TEX29: variants seen among roughly 807,000 people sequenced by gnomAD.
TEX29 encodes the protein testis-expressed protein 29.
A neutral mutation model predicts 18.2 loss-of-function variants in TEX29; 26 were observed. The observed-to-expected ratio is 1.43, with a 90% CI of 1.04 to 1.98. TEX29 has a LOEUF of 1.98. Among genes scored for constraint, TEX29 ranks in the 30% most tolerant of loss-of-function variants. The pLI, the probability that TEX29 is intolerant of heterozygous loss-of-function variation, is 0.00. For missense variants in TEX29, 177 were observed against 194.2 expected, an observed-to-expected ratio of 0.91 and a Z score of 0.53; for synonymous variants, 83 against 78.5, an observed-to-expected ratio of 1.06 and a Z score of -0.31.
At position 111,320,657 on chromosome 13, in the gene TEX29, CAG is replaced by C. The variant is rs2093662434; in HGVS notation, c.-137_-136del. The C allele has an allele frequency of 6.8e-6, 4 of 592,306 alleles. No individual in the cohort carries two copies. The highest frequency in any genetic ancestry group is 5.7e-5 in the East Asian group (2 of 34,836). 36.7% of individuals were successfully genotyped at this position (592,306 alleles called of 1,614,324 possible). A position where few individuals can be genotyped will look rare whatever the true frequency, so the allele number is the denominator to read the frequency against. ...CCCACAGTCCATAGTGAGCGGCAGACAGAGGGGTGGCCAGTTTGTTGTTTTAC... is the reference window on the plus strand; with the variant it reads ...CCCACAGTCCATAGTGAGCGGCAGACAGGGGTGGCCAGTTTGTTGTTTTAC... On this transcript the variant is annotated 5_prime_UTR_variant, in exon 1 of 6. Coordinates refer to ENST00000283547, the MANE Select transcript of TEX29 (RefSeq NM_152324.3).
At chr13:111,334,627 A>G (rs2093687108) in intron 3 of TEX29, among the ~76,000 whole-genome samples, 1 of 152,196 alleles carries the variant, frequency 6.6e-6, no homozygotes, top group Non-Finnish European at 1.5e-5. Context: ...TGCACATCTC[A>G]TTTCCCAGAT....
intron 4 of TEX29, 32 bp downstream of exon 4, chr13:111,339,964 GGGAGGA>G: frequency 6.5e-7 from 1 of 1,536,106 alleles, no homozygotes; most frequent in Non-Finnish European, 9.0e-7. Context: ...TGGGAGGGTG[GGGAGGA>G]GGGGACTCAC....
chr13:111,316,854 G>A (rs181331509), upstream of TEX29, among the ~76,000 whole-genome samples: 260 of 152,328 alleles, frequency 1.7e-3, no homozygotes, highest in Middle Eastern at 3.4e-3. Context: ...CATGGCTGAG[G>A]AGGCCTCAGG....
chr13:111,342,155 C>G (rs2093697573), intron 4 of TEX29, among the ~76,000 whole-genome samples: 1 of 152,230 alleles, frequency 6.6e-6, no homozygotes, highest in Non-Finnish European at 1.5e-5. Flanking sequence ...ACTCCCCGGC[C>G]ACCACCTTCA....
intron 3 of TEX29, chr13:111,339,372 C>T (rs1312323586): frequency 1.5e-5 from 7 of 455,170 alleles, no homozygotes; most frequent in African/African-American, 6.0e-5. Flanking sequence ...GAGGGGCCAG[C>T]GCCATCTCTC....
rs2093701180 is a variant in TEX29 at position 111,344,194 on chromosome 13, C to T, written c.*71C>T. On this transcript the variant is annotated 3_prime_UTR_variant, in exon 6 of 6. Transcript: ENST00000283547. ...AATGGTACAGCAGGTGCACTGTTAA[C>T]AGTGTGATGGAATGACCACCCAAAG... The T allele has an allele frequency of 7.6e-7, 1 of 1,320,150 alleles. No individual in the cohort carries two copies. The highest frequency in any genetic ancestry group is 1.1e-6 in the Non-Finnish European group (1 of 926,222). 81.8% of individuals were successfully genotyped at this position (1,320,150 alleles called of 1,614,324 possible). A position where few individuals can be genotyped will look rare whatever the true frequency, so the allele number is the denominator to read the frequency against.
intron 2 of TEX29, 124 bp downstream of exon 2, chr13:111,321,072 G>T (rs371462139): frequency 4.8e-6 from 5 of 1,040,244 alleles, no homozygotes. Flanking sequence ...GGCTAGGAGG[G>T]CAAGGCAGCA....
At position 111,320,782 on chromosome 13, in the gene TEX29, C is replaced by T. The variant is rs1345945268; in HGVS notation, c.-35+20C>T. Reference sequence around the variant, plus strand: ...GCGCAGGTGAGTCGATGAACGCCCCCTCCTGGTGTGAGCCGCCCGCTCCCC... The same window carrying T: ...GCGCAGGTGAGTCGATGAACGCCCCTTCCTGGTGTGAGCCGCCCGCTCCCC... On this transcript the variant is annotated intron_variant, in intron 1 of 5. Transcript: ENST00000283547. 17 of 1,380,852 alleles carry T rather than the reference C, an allele frequency of 1.2e-5. No homozygotes were observed. Among genetic ancestry groups the T allele is most frequent in the Admixed American group, 1.7e-5 (1 of 59,500 alleles). 85.5% of individuals were successfully genotyped at this position (1,380,852 alleles called of 1,614,324 possible). A position where few individuals can be genotyped will look rare whatever the true frequency, so the allele number is the denominator to read the frequency against.
At chr13:111,327,434 G>A (rs1311831793) in intron 2 of TEX29, among the ~76,000 whole-genome samples, 1 of 152,184 alleles carries the variant, frequency 6.6e-6, no homozygotes. Context: ...TGGCTTGGGT[G>A]CAGCCTTGGC....
intron 2 of TEX29, among the ~76,000 whole-genome samples, chr13:111,327,436 A>G (rs899865119): frequency 6.6e-6 from 1 of 152,172 alleles, no homozygotes; most frequent in African/African-American, 2.4e-5. Context: ...GCTTGGGTGC[A>G]GCCTTGGCCT....
At chr13:111,340,174 AAAT>A (rs2093695744) in intron 4 of TEX29, among the ~76,000 whole-genome samples, 5 of 150,012 alleles carry the variant, frequency 3.3e-5, no homozygotes, top group African/African-American at 9.9e-5. Flanking sequence ...TTGTTGATGA[AAAT>A]CATAACCCAT....
At chr13:111,322,799 A>G (rs1743701218) in intron 2 of TEX29, among the ~76,000 whole-genome samples, 3 of 152,140 alleles carry the variant, frequency 2.0e-5, no homozygotes, top group South Asian at 2.1e-4. Flanking sequence ...AACTGTTTCT[A>G]TTCCTTTAGG....
At chr13:111,331,944 T>C (rs1478184438) in intron 3 of TEX29, among the ~76,000 whole-genome samples, 1 of 152,236 alleles carries the variant, frequency 6.6e-6, no homozygotes, top group Non-Finnish European at 1.5e-5. Context: ...ACAGTTTTGA[T>C]TACTGTAGCT....
rs1367084305 is a variant in TEX29 at position 111,343,958 on chromosome 13, T to C, written c.416-125T>C. ...AGGAGGATACGGCCATCCCCAAAAC[T>C]GGCTTTTGAATCAATCATTGCCAAT... On this transcript the variant is annotated intron_variant, in intron 5 of 5. Coordinates refer to ENST00000283547, the MANE Select transcript of TEX29 (RefSeq NM_152324.3). The C allele has an allele frequency of 3.9e-6, 3 of 776,562 alleles. No individual in the cohort carries two copies. In the South Asian group the frequency reaches 4.9e-5, roughly 13 times the overall value. 48.1% of individuals were successfully genotyped at this position (776,562 alleles called of 1,614,324 possible).
In TEX29 at chr13:111,342,798, T is replaced by G; in HGVS notation, c.282T>G (p.Asp94Glu). The stretch of plus-strand genomic sequence containing the variant: ...GGAAAGAAAAGGCCATCCCTGTGGA[T>G]GTCGCGCTGCCACAGAAGTCCAGCG... ...ESRKEKAIPV[D>E]VALPQKSSEK... The change falls in exon 5 of 6, where the codon GAT becomes GAG. Residue 94 changes from aspartate to glutamate, a missense_variant. Physicochemically the swap from Asp to Glu is conservative, Grantham distance 45. Coordinates refer to ENST00000283547, the MANE Select transcript of TEX29 (RefSeq NM_152324.3). 6.2e-7 allele frequency: 1 copy of G among 1,614,076 alleles called. No individual in the cohort carries two copies. The highest frequency in any genetic ancestry group is 8.5e-7 in the Non-Finnish European group (1 of 1,180,028).
At chr13:111,328,902 T>G (rs553456026) in intron 3 of TEX29, among the ~76,000 whole-genome samples, 1 of 152,316 alleles carries the variant, frequency 6.6e-6, no homozygotes, top group South Asian at 2.1e-4. Flanking sequence ...CCGTGAAGGC[T>G]TCCGGAGGGA....
chr13:111,342,298 C>A (rs1419438982), intron 4 of TEX29, among the ~76,000 whole-genome samples: 2 of 152,272 alleles, frequency 1.3e-5, no homozygotes, highest in African/African-American at 4.8e-5. Context: ...TGAAGATGAG[C>A]CGGCAGTAGC....
At chr13:111,325,171 A>G (rs1178425385) in intron 2 of TEX29, among the ~76,000 whole-genome samples, 1 of 152,226 alleles carries the variant, frequency 6.6e-6, no homozygotes, top group Non-Finnish European at 1.5e-5. Context: ...TCGTTTCAGT[A>G]GATCAGGAAG....
chr13:111,319,508 A>T (rs1437899534), upstream of TEX29, among the ~76,000 whole-genome samples: 5 of 152,104 alleles, frequency 3.3e-5, no homozygotes, highest in African/African-American at 4.8e-5. Flanking sequence ...TGTCCCCTAG[A>T]TGCCTCCTCT....
Sources: gnomAD v4.1 joint callset for allele counts (sites outside exome capture counted in the v4.1 genomes callset) on GRCh38, gnomAD v4.1.1 for gene constraint, MANE v1.5 for transcripts, NCBI Gene and HGNC (gene_info 2026-07-23, HGNC 2026-07-21) for gene names.